CCDC3: variants seen among roughly 807,000 people sequenced by gnomAD.
The protein encoded by CCDC3 is coiled-coil domain containing 3.
Under a neutral mutation model 21.4 loss-of-function variants are expected in CCDC3, and 24 were observed. The ratio of observed to expected loss-of-function variants is 1.12; its 90% confidence interval spans 0.81 to 1.58. The LOEUF is 1.58. CCDC3 is among the 40% of genes most tolerant of loss of function. CCDC3 has a pLI of 0.00. For synonymous variants in CCDC3, 186 were observed against 166.0 expected (o/e 1.12, Z -0.93); for missense variants, 425 against 360.9 (o/e 1.18, Z -1.44).
chr10:12,953,447 G>T (rs894328669), intron 2 of CCDC3, among the ~76,000 whole-genome samples: 8 of 152,210 alleles, frequency 5.3e-5, no homozygotes, highest in African/African-American at 1.9e-4. Context: ...GGGATATACT[G>T]AGGAAATTAA....
At chr10:12,907,372 C>T (rs1834189362) in intron 2 of CCDC3, among the ~76,000 whole-genome samples, 1 of 152,152 alleles carries the variant, frequency 6.6e-6, no homozygotes, top group East Asian at 1.9e-4. Context: ...TTGCCGGGTG[C>T]AGTGGCTCAC....
chr10:12,919,649 C>T (rs1352010051), intron 2 of CCDC3, among the ~76,000 whole-genome samples: 1 of 151,240 alleles, frequency 6.6e-6, no homozygotes. Context: ...AAGGGATTAT[C>T]GGCTCCGGGG....
chr10:13,081,462 A>G (rs1837038026), intron 3 of CCDC3, among the ~76,000 whole-genome samples: 1 of 152,212 alleles, frequency 6.6e-6, no homozygotes, highest in South Asian at 2.1e-4. Context: ...CACACAGCAG[A>G]AAAGGATGGA....
At chr10:13,060,483 C>T (rs1184186330) in intron 4 of CCDC3, among the ~76,000 whole-genome samples, 1 of 151,980 alleles carries the variant, frequency 6.6e-6, no homozygotes, top group East Asian at 1.9e-4. Flanking sequence ...TCCCCAAGGC[C>T]AAAGGAAAAC....
intron 2 of CCDC3, among the ~76,000 whole-genome samples, chr10:12,927,381 AC>A (rs1834559817): frequency 6.6e-6 from 1 of 152,204 alleles, no homozygotes; most frequent in South Asian, 2.1e-4. Flanking sequence ...CTTAAAATTA[AC>A]AATTGCTCAA....
At chr10:13,045,085 A>C (rs896860660) in intron 5 of CCDC3, among the ~76,000 whole-genome samples, 1 of 151,970 alleles carries the variant, frequency 6.6e-6, no homozygotes, top group Non-Finnish European at 1.5e-5. Flanking sequence ...ACAGGCAAAA[A>C]ATTACTCCAT....
At chr10:12,983,371 G>A (rs1165107717) in intron 2 of CCDC3, among the ~76,000 whole-genome samples, 1 of 151,054 alleles carries the variant, frequency 6.6e-6, no homozygotes, top group African/African-American at 2.4e-5. Flanking sequence ...TCAGAAGTTC[G>A]AGACCAGCCT....
In CCDC3 at chr10:12,986,537, G is replaced by A. The variant is rs535967571; in HGVS notation, c.549+11801C>T. On this transcript the variant is annotated intron_variant, in intron 2 of 2. Transcript: ENST00000378825. ...CGCCTGTAATCCCAGCACTTTGGGA[G>A]GCCAAGGCGGGCGGATCACAAGGTC... 9.8e-5 allele frequency among the ~76,000 whole-genome samples: 15 copies of A among 152,290 alleles called. No individual in the cohort carries two copies. The South Asian group carries it at 3.1e-3, about 32-fold the overall frequency.
chr10:13,059,880 G>T (rs1454995365), intron 4 of CCDC3, among the ~76,000 whole-genome samples: 2 of 152,116 alleles, frequency 1.3e-5, no homozygotes, highest in Non-Finnish European at 2.9e-5. Context: ...ATGAGGTCAG[G>T]AGATGAGACC....
In CCDC3 at chr10:13,094,089, A is replaced by G. The variant is rs541837066; in HGVS notation, c.-503+4436T>C. 2.0e-5 allele frequency among the ~76,000 whole-genome samples: 3 copies of G among 152,314 alleles called. No homozygotes were observed. In the South Asian group the frequency reaches 6.2e-4, roughly 32 times the overall value. The stretch of plus-strand genomic sequence containing the variant: ...AACATTTCATCGGTGCTGTGCTTTG[A>G]TTTGGTACAAAAGGCGGCAGGGATT... On this transcript the variant is annotated intron_variant, in intron 3 of 6. Transcript: ENST00000378839.
intron 2 of CCDC3, among the ~76,000 whole-genome samples, chr10:12,919,138 C>T (rs1284032669): frequency 6.6e-6 from 1 of 152,152 alleles, no homozygotes; most frequent in African/African-American, 2.4e-5. Context: ...AAAATGCCCA[C>T]ATAATTATTT....
At chr10:12,994,912 C>T (rs2131283111) in intron 2 of CCDC3, among the ~76,000 whole-genome samples, 1 of 152,062 alleles carries the variant, frequency 6.6e-6, no homozygotes, top group East Asian at 1.9e-4. Context: ...GAAACCCCCT[C>T]TCTACTAAAA....
chr10:12,905,648 A>G (rs61852237), intron 2 of CCDC3, among the ~76,000 whole-genome samples: 2 of 152,106 alleles, frequency 1.3e-5, no homozygotes, highest in African/African-American at 4.8e-5. Context: ...CAAAGGTCCT[A>G]TTGACTCCAT....
chr10:12,906,478 C>T (rs1242903926), intron 2 of CCDC3, among the ~76,000 whole-genome samples: 2 of 152,118 alleles, frequency 1.3e-5, no homozygotes, highest in Non-Finnish European at 1.5e-5. Flanking sequence ...GCCTCTCCTG[C>T]GTCCGCTTCC....
Position 13,001,241 on chromosome 10 carries a change from G to C in CCDC3, c.330C>G (p.His110Gln). The C allele has an allele frequency of 1.3e-6, 2 of 1,584,194 alleles. No homozygotes were observed. The highest frequency in any genetic ancestry group is 1.7e-6 in the Non-Finnish European group (2 of 1,165,868). The change falls in exon 1 of 3, where the codon CAC becomes CAG. Residue 110 changes from histidine (H) to glutamine (Q), a missense_variant. Coordinates refer to ENST00000378825, the MANE Select transcript of CCDC3 (RefSeq NM_031455.4). ...NLTGLGYFSC[H>Q]SHTVVQDYSY... ...AGTAGTCCTGGACCACGGTGTGGGA[G>C]TGGCACGAGAAGTAGCCCAGGCCGG... is the stretch of plus-strand genomic sequence containing the variant.
In CCDC3 at chr10:12,998,338, C is replaced by G; in HGVS notation, c.549G>C (p.Arg183Ser). 6.2e-7 allele frequency: 1 copy of G among 1,613,378 alleles called. No individual in the cohort carries two copies. The highest frequency in any genetic ancestry group is 8.5e-7 in the Non-Finnish European group (1 of 1,179,686). The change falls in exon 2 of 3, where the codon AGG becomes AGC. Residue 183 changes from arginine to serine, a missense_variant and splice_region_variant. By Grantham distance (110) the Arg-to-Ser change is moderately radical (BLOSUM62 -1). Coordinates refer to ENST00000378825, the MANE Select transcript of CCDC3 (RefSeq NM_031455.4). ...SSDWEIQEDS[R>S]LMCSSVQKAL... Reference sequence around the variant, plus strand: ...GGCACAGGATTTAGCCAATTCTTACCCTACTGTCTTCCTGGATTTCCCAGT... The same window carrying G: ...GGCACAGGATTTAGCCAATTCTTACGCTACTGTCTTCCTGGATTTCCCAGT...
chr10:12,951,315 C>T (rs1342147610), intron 2 of CCDC3, among the ~76,000 whole-genome samples: 1 of 152,070 alleles, frequency 6.6e-6, no homozygotes, highest in African/African-American at 2.4e-5. Context: ...GTGATTGCAC[C>T]ACTGCACTCC....
chr10:13,067,232 G>A (rs1183731682), intron 4 of CCDC3, among the ~76,000 whole-genome samples: 1 of 152,196 alleles, frequency 6.6e-6, no homozygotes, highest in Non-Finnish European at 1.5e-5. Context: ...ATGGCCCAAG[G>A]GTGCCCAATG....
intron 4 of CCDC3, among the ~76,000 whole-genome samples, chr10:13,069,228 C>A (rs1186947102): frequency 1.3e-5 from 2 of 152,214 alleles, no homozygotes; most frequent in Non-Finnish European, 2.9e-5. Flanking sequence ...GCACTCCAGC[C>A]TGGGCAACAA....
Sources: gnomAD v4.1 joint callset for allele counts (sites outside exome capture counted in the v4.1 genomes callset) on GRCh38, gnomAD v4.1.1 for gene constraint, MANE v1.5 for transcripts, NCBI Gene and HGNC (gene_info 2026-07-23, HGNC 2026-07-21) for gene names.